The following PCDH7 variants were observed in gnomAD, a reference collection of about 807,000 sequenced individuals.
PCDH7 encodes protocadherin 7.
Under a neutral mutation model 58.9 loss-of-function variants are expected in PCDH7, and 17 were observed. That is an observed-to-expected ratio of 0.29 (90% CI 0.20 to 0.43). The LOEUF (loss-of-function observed/expected upper bound fraction) is 0.43. PCDH7 is among the 20% of genes least tolerant of loss of function. The pLI is 1.00. For missense variants in PCDH7, 1,274 were observed against 1,441.0 expected (o/e 0.88, Z 1.88); for synonymous variants, 664 against 616.4 (o/e 1.08, Z -1.14).
In PCDH7 at chr4:30,762,369, T is replaced by G. The variant is rs567931746; in HGVS notation, c.70+37773T>G. Among the ~76,000 whole-genome samples the G allele has an allele frequency of 3.9e-5, 6 of 152,294 alleles. No homozygotes were observed. The East Asian group carries it at 1.2e-3, about 29-fold the overall frequency. Reference sequence around the variant, plus strand: ...TGAATGATTAGATAAATAACTAAACTGATCCAATATGCAATAAAACTATAA... The same window carrying G: ...TGAATGATTAGATAAATAACTAAACGGATCCAATATGCAATAAAACTATAA... On this transcript the variant is annotated intron_variant, in intron 1 of 3. Transcript: ENST00000509759.
chr4:30,900,262 A>T (rs933962625), intron 1 of PCDH7, among the ~76,000 whole-genome samples: 1 of 152,208 alleles, frequency 6.6e-6, no homozygotes, highest in Non-Finnish European at 1.5e-5. Context: ...ACACAAAAAC[A>T]TATGGTGTGA....
At chr4:31,086,988 C>T (rs1328549277) in intron 3 of PCDH7, among the ~76,000 whole-genome samples, 3 of 152,166 alleles carry the variant, frequency 2.0e-5, no homozygotes, top group African/African-American at 2.4e-5. Flanking sequence ...TTTCCCCAAA[C>T]AGCAGGGACA....
At chr4:30,901,728 G>A (rs1740240449) in intron 1 of PCDH7, among the ~76,000 whole-genome samples, 1 of 152,092 alleles carries the variant, frequency 6.6e-6, no homozygotes, top group Non-Finnish European at 1.5e-5. Flanking sequence ...TCAGCCTAAG[G>A]AACTCATGAA....
chr4:30,862,190 G>A (rs766200640), intron 1 of PCDH7, among the ~76,000 whole-genome samples: 2 of 152,130 alleles, frequency 1.3e-5, no homozygotes, highest in Non-Finnish European at 2.9e-5. Flanking sequence ...ACGATAATAA[G>A]GTGTTGATAA....
intron 3 of PCDH7, among the ~76,000 whole-genome samples, chr4:31,025,167 G>C (rs1168495999): frequency 2.0e-5 from 3 of 152,136 alleles, no homozygotes; most frequent in Admixed American, 2.0e-4. Context: ...TCACAATTCT[G>C]TGTCATTTTC....
intron 3 of PCDH7, among the ~76,000 whole-genome samples, chr4:31,116,733 TGTGA>T (rs1394822031): frequency 6.6e-6 from 1 of 151,840 alleles, no homozygotes; most frequent in African/African-American, 2.4e-5. Context: ...CCAAGGTGAG[TGTGA>T]GTGTCAATAG....
intron 3 of PCDH7, among the ~76,000 whole-genome samples, chr4:30,975,179 GTGTGTGTGTA>G (rs1198956034): frequency 9.7e-5 from 13 of 133,766 alleles, no homozygotes; most frequent in Non-Finnish European, 1.9e-4. Context: ...GTGTGTGTGT[GTGTGTGTGTA>G]TTTGTGGTGA....
At chr4:30,840,381 T>G (rs1435318489) in intron 1 of PCDH7, among the ~76,000 whole-genome samples, 1 of 152,130 alleles carries the variant, frequency 6.6e-6, no homozygotes, top group Non-Finnish European at 1.5e-5. Context: ...CTCGCTTACT[T>G]AAGTGGCTGA....
At chr4:31,098,298 GA>G (rs1229915395) in intron 3 of PCDH7, among the ~76,000 whole-genome samples, 1 of 152,126 alleles carries the variant, frequency 6.6e-6, no homozygotes, top group African/African-American at 2.4e-5. Context: ...CTATTTTTGT[GA>G]AATGTATTTC....
chr4:31,035,602 G>A (rs899637501), intron 3 of PCDH7, among the ~76,000 whole-genome samples: 3 of 152,110 alleles, frequency 2.0e-5, no homozygotes, highest in Admixed American at 6.6e-5. Context: ...TGTAGTGGCT[G>A]ATATCATCCT....
chr4:31,103,329 T>G lies in PCDH7; in HGVS notation c.*8-39144T>G, dbSNP rs544927859. The stretch of plus-strand genomic sequence containing the variant: ...TTTTTTGGAAAATTTTCCCAATTTC[T>G]TTTCTTTTCTTTTTTTGTTTTTGTT... On this transcript the variant is annotated intron_variant, in intron 3 of 3. Coordinates refer to the PCDH7 transcript ENST00000509759. 5.3e-5 allele frequency among the ~76,000 whole-genome samples: 8 copies of G among 152,190 alleles called. No homozygotes were observed. The East Asian group carries it at 1.5e-3, about 29-fold the overall frequency.
chr4:30,724,363 A>G (rs372115931), exon 1 of PCDH7: 1 of 1,613,982 alleles, frequency 6.2e-7, no homozygotes, highest in African/African-American at 1.3e-5. Flanking sequence ...GGGGCGATAC[A>G]GGTCCGTTAA....
At chr4:30,999,810 A>G (rs1752210949) in intron 3 of PCDH7, among the ~76,000 whole-genome samples, 2 of 152,132 alleles carry the variant, frequency 1.3e-5, no homozygotes, top group Admixed American at 6.6e-5. Flanking sequence ...GTGTTAAAGT[A>G]AGAAGTTAAT....
intron 3 of PCDH7, among the ~76,000 whole-genome samples, chr4:31,109,080 G>T (rs1258682597): frequency 6.6e-6 from 1 of 152,138 alleles, no homozygotes; most frequent in Non-Finnish European, 1.5e-5. Context: ...CCCATGCCAT[G>T]ACAGAAATGA....
At chr4:30,960,778 C>G (rs1748335535) in intron 3 of PCDH7, among the ~76,000 whole-genome samples, 1 of 152,120 alleles carries the variant, frequency 6.6e-6, no homozygotes, top group Admixed American at 6.5e-5. Context: ...ACCTCAGTTT[C>G]ATTCACCTGA....
At position 31,069,478 on chromosome 4, in the gene PCDH7, A is replaced by G. The variant is rs536066313; in HGVS notation, c.*8-72995A>G. ...ACCAAAAAATTAGCAGAGAAAACCC[A>G]GAGAGAAGTAATGGGCATCACTTTA... On this transcript the variant is annotated intron_variant, in intron 3 of 3. Coordinates refer to the PCDH7 transcript ENST00000509759. 2.0e-5 allele frequency among the ~76,000 whole-genome samples: 3 copies of G among 152,228 alleles called. No homozygotes were observed. In the East Asian group the frequency reaches 5.8e-4, roughly 29 times the overall value.
At chr4:30,842,102 A>G (rs1294878980) in intron 1 of PCDH7, among the ~76,000 whole-genome samples, 1 of 152,122 alleles carries the variant, frequency 6.6e-6, no homozygotes, top group Non-Finnish European at 1.5e-5. Flanking sequence ...TGACATTAAT[A>G]AAATCTGGGC....
chr4:30,861,327 G>T (rs1734166145), intron 1 of PCDH7, among the ~76,000 whole-genome samples: 1 of 152,128 alleles, frequency 6.6e-6, no homozygotes. Flanking sequence ...GGTATAACAT[G>T]ATTAACCAGG....
chr4:30,781,149 G>A (rs954229706), intron 1 of PCDH7, among the ~76,000 whole-genome samples: 7 of 152,064 alleles, frequency 4.6e-5, no homozygotes, highest in African/African-American at 1.7e-4. Flanking sequence ...AATGAATCCT[G>A]GGATTCCATG....
Sources: allele counts gnomAD v4.1 joint callset (sites outside exome capture counted in the v4.1 genomes callset), GRCh38; gene constraint gnomAD v4.1.1; transcripts MANE v1.5; gene names NCBI Gene and HGNC (gene_info 2026-07-23, HGNC 2026-07-21).